The following ARMH1 variants were observed in gnomAD, a reference collection of about 807,000 sequenced individuals.
ARMH1 encodes armadillo like helical domain containing 1, also known as armadillo-like helical domain containing protein 1.
Under a neutral mutation model 50.2 loss-of-function variants are expected in ARMH1, and 34 were observed. The ratio of observed to expected loss-of-function variants is 0.68; its 90% CI spans 0.51 to 0.90. The LOEUF is 0.90. Ranked by LOEUF, ARMH1 falls within the 40% of genes least tolerant of loss-of-function variation. The pLI is 0.00. For synonymous variants in ARMH1, 221 were observed against 224.2 expected (o/e 0.99, Z 0.13); for missense variants, 538 against 553.9 (o/e 0.97, Z 0.29).
chr1:44,699,892 C>T (rs1468751271), intron 4 of ARMH1, among the ~76,000 whole-genome samples: 2 of 150,448 alleles, frequency 1.3e-5, no homozygotes, highest in South Asian at 4.2e-4. Context: ...TGCAGTGGCA[C>T]GGTCTCAGCT....
chr1:44,722,389 G>GA (rs1008156867), intron 6 of ARMH1, among the ~76,000 whole-genome samples: 40 of 151,388 alleles, frequency 2.6e-4, no homozygotes, highest in South Asian at 4.2e-4. Context: ...CCTTGTCTCA[G>GA]AAAAAAAATA....
At position 44,725,186 on chromosome 1, in the gene ARMH1, C is replaced by G; in HGVS notation, c.1179C>G (p.Ile393Met). The change falls in exon 11 of 12, where the codon ATC becomes ATG. Residue 393 changes from isoleucine to methionine, a missense_variant. Coordinates refer to ENST00000535358, the MANE Select transcript of ARMH1 (RefSeq NM_001145636.2). The stretch of plus-strand genomic sequence containing the variant: ...AAATAGACAGCATTCAGGCGGACAT[C>G]TTGGCGGCCAACACAGTCAATGTTA... ...YMKIDSIQADILAANTVNVTK... is the reference protein window; with the variant it reads ...YMKIDSIQADMLAANTVNVTK... 6.4e-7 allele frequency: 1 copy of G among 1,552,034 alleles called. No individual in the cohort carries two copies. The highest frequency in any genetic ancestry group is 8.7e-7 in the Non-Finnish European group (1 of 1,147,048).
intron 6 of ARMH1, chr1:44,721,840 T>A (rs545706640): frequency 2.0e-5 from 3 of 152,052 alleles, no homozygotes; most frequent in African/African-American, 7.3e-5. Context: ...TAGTTGTTTT[T>A]CTCCACGGAA....
At chr1:44,698,726 T>C (rs1381853776) in intron 4 of ARMH1, among the ~76,000 whole-genome samples, 1 of 150,202 alleles carries the variant, frequency 6.7e-6, no homozygotes, top group Non-Finnish European at 1.5e-5. Context: ...GGCAGGAGAA[T>C]CGCTTGAACA....
rs1648134931 is a variant in ARMH1 at position 44,725,281 on chromosome 1, C to T, written c.1211-10C>T. 5 of 1,551,848 alleles carry T rather than the reference C, an allele frequency of 3.2e-6. No individual in the cohort carries two copies. The highest frequency in any genetic ancestry group is 1.4e-5 in the African/African-American group (1 of 73,196). On this transcript the variant is annotated splice_polypyrimidine_tract_variant and intron_variant, in intron 11 of 11. Coordinates refer to ENST00000535358, the MANE Select transcript of ARMH1 (RefSeq NM_001145636.2). Reference sequence around the variant, plus strand: ...CAGCACAGCCTCACGCCCGCCTTTCCTGCCTGCAGCCCTGTGCCTCCATGG... The same window carrying T: ...CAGCACAGCCTCACGCCCGCCTTTCTTGCCTGCAGCCCTGTGCCTCCATGG...
chr1:44,701,362 G>A (rs1234758828), intron 5 of ARMH1, among the ~76,000 whole-genome samples: 1 of 152,162 alleles, frequency 6.6e-6, no homozygotes, highest in Non-Finnish European at 1.5e-5. Context: ...AAAAGTGGTT[G>A]AGACAAGCAA....
Position 44,725,508 on chromosome 1 carries a change from G to C in ARMH1, c.*105G>C. 3.6e-6 allele frequency: 4 copies of C among 1,126,244 alleles called. No individual in the cohort carries two copies. Among genetic ancestry groups the C allele is most frequent in the Non-Finnish European group, 5.2e-6 (4 of 773,676 alleles). The allele number at this position is 1,126,244 out of a possible 1,614,324, so 69.8% of individuals were successfully genotyped here. On this transcript the variant is annotated 3_prime_UTR_variant, in exon 12 of 12. Coordinates refer to ENST00000535358, the MANE Select transcript of ARMH1 (RefSeq NM_001145636.2). ...CAGAGCCACTCCACTTGGCTCCAGG[G>C]GGGAGACGGGGATTAGGCATCCCAG...
intron 6 of ARMH1, among the ~76,000 whole-genome samples, chr1:44,711,658 T>C (rs561849321): frequency 6.6e-6 from 1 of 152,348 alleles, no homozygotes; most frequent in African/African-American, 2.4e-5. Flanking sequence ...TTTAAGTTTC[T>C]CATTTATTCA....
chr1:44,701,178 C>T (rs1244646174), intron 5 of ARMH1, 59 bp downstream of exon 5: 3 of 1,446,072 alleles, frequency 2.1e-6, no homozygotes, highest in East Asian at 2.5e-5. Flanking sequence ...CTTACAATTA[C>T]CTTCCGCAGT....
At chr1:44,706,498 G>A (rs1399290261) in intron 6 of ARMH1, among the ~76,000 whole-genome samples, 2 of 152,170 alleles carry the variant, frequency 1.3e-5, no homozygotes, top group Admixed American at 6.5e-5. Flanking sequence ...AGAGCATAAG[G>A]AGCAGCCAGG....
intron 6 of ARMH1, among the ~76,000 whole-genome samples, chr1:44,718,286 C>T (rs1646931051): frequency 6.6e-6 from 1 of 152,174 alleles, no homozygotes; most frequent in Non-Finnish European, 1.5e-5. Flanking sequence ...CTGGGAAGAG[C>T]CCAGCTACTA....
chr1:44,703,230 C>T (rs758997796), intron 5 of ARMH1, among the ~76,000 whole-genome samples: 50 of 152,016 alleles, frequency 3.3e-4, no homozygotes, highest in Non-Finnish European at 5.9e-5. Context: ...CCTCTCTCCC[C>T]CAATCAGAGT....
At chr1:44,711,464 A>G (rs1646610135) in intron 6 of ARMH1, among the ~76,000 whole-genome samples, 1 of 152,150 alleles carries the variant, frequency 6.6e-6, no homozygotes, top group Admixed American at 6.5e-5. Flanking sequence ...CTTGTTGTCC[A>G]TTTGTATTTC....
At chr1:44,715,060 A>T (rs1646797199) in intron 6 of ARMH1, among the ~76,000 whole-genome samples, 1 of 152,144 alleles carries the variant, frequency 6.6e-6, no homozygotes, top group Admixed American at 6.6e-5. Context: ...TGTTTCTTAC[A>T]GCAGTGCAAC....
Position 44,679,134 on chromosome 1 carries a change from C to T in ARMH1, c.-23+4261C>T, listed in dbSNP as rs183969699. On this transcript the variant is annotated intron_variant, in intron 1 of 11. Coordinates refer to ENST00000535358, the MANE Select transcript of ARMH1 (RefSeq NM_001145636.2). The stretch of plus-strand genomic sequence containing the variant: ...AGGCCACAAACAAACCAATTTGGAC[C>T]GAGGTTCTTAATCTGGATTTTTAAT... Among the ~76,000 whole-genome samples, 6 of 152,254 alleles carry T rather than the reference C, an allele frequency of 3.9e-5. No homozygotes were observed. The East Asian group carries it at 7.7e-4, about 20-fold the overall frequency.
At chr1:44,705,442 G>A (rs1021384068) in intron 6 of ARMH1, among the ~76,000 whole-genome samples, 2 of 151,712 alleles carry the variant, frequency 1.3e-5, no homozygotes, top group East Asian at 1.9e-4. Context: ...GCATTGAGCC[G>A]AGATCTCGCC....
intron 6 of ARMH1, among the ~76,000 whole-genome samples, chr1:44,714,101 T>C (rs544021551): frequency 5.9e-4 from 89 of 151,236 alleles, no homozygotes; most frequent in Non-Finnish European, 1.1e-3. Context: ...ACCCTGTCTC[T>C]ACTAAAAATA....
In ARMH1 at chr1:44,704,148, G is replaced by A. The variant is rs567632674; in HGVS notation, c.699G>A (p.Thr233=). 2.7e-5 allele frequency: 42 copies of A among 1,551,196 alleles called. No homozygotes were observed. The highest frequency in any genetic ancestry group is 3.3e-4 in the Middle Eastern group (2 of 5,992). Residue 233 remains threonine (T), a synonymous_variant, in exon 6 of 12, where the codon ACG becomes ACA. Coordinates refer to ENST00000535358, the MANE Select transcript of ARMH1 (RefSeq NM_001145636.2). Reference sequence around the variant, plus strand: ...ACTGCGTGCTGAAGGTGCTGGGCACGATGCACCTGGAAGTCCAGTATGAAG... The same window carrying A: ...ACTGCGTGCTGAAGGTGCTGGGCACAATGCACCTGGAAGTCCAGTATGAAG... The part of the protein sequence containing the change: ...IVDCVLKVLG[T]MHLEVQYEAI...
intron 1 of ARMH1, among the ~76,000 whole-genome samples, chr1:44,680,644 G>A (rs1352080344): frequency 6.6e-6 from 1 of 152,234 alleles, no homozygotes; most frequent in Non-Finnish European, 1.5e-5. Flanking sequence ...GGTTGGTGGG[G>A]ATTGAGCAAG....
Sources: gnomAD v4.1 joint callset for allele counts (sites outside exome capture counted in the v4.1 genomes callset) on GRCh38, gnomAD v4.1.1 for gene constraint, MANE v1.5 for transcripts, NCBI Gene and HGNC (gene_info 2026-07-23, HGNC 2026-07-21) for gene names.